DNM2: variants seen among roughly 807,000 people sequenced by gnomAD.
The protein encoded by DNM2 is dynamin 2.
In DNM2, 15 loss-of-function variants were observed where a neutral mutation model predicts 99.0. The ratio of observed to expected loss-of-function variants is 0.15; its 90% CI spans 0.10 to 0.23. The LOEUF is 0.23. DNM2 is among the 10% of genes least tolerant of loss of function. DNM2 has a pLI of 1.00. For synonymous variants in DNM2, 525 were observed against 481.2 expected, an observed-to-expected ratio of 1.09 and a Z score of -1.19; for missense variants, 742 against 1,189.4, an observed-to-expected ratio of 0.62 and a Z score of 5.53.
intron 16 of DNM2, among the ~76,000 whole-genome samples, chr19:10,822,539 G>T (rs144828877): frequency 1.3e-5 from 2 of 149,878 alleles, no homozygotes; most frequent in East Asian, 4.1e-4. Flanking sequence ...TCACTCTGTC[G>T]CCCAGGCTGG....
chr19:10,721,318 G>A (rs989541715), intron 1 of DNM2, among the ~76,000 whole-genome samples: 7 of 151,988 alleles, frequency 4.6e-5, no homozygotes, highest in Admixed American at 3.3e-4. Flanking sequence ...TACCACACCC[G>A]GCTAATTTTT....
At chr19:10,807,103 C>T (rs942785277) in intron 13 of DNM2, among the ~76,000 whole-genome samples, 25 of 152,262 alleles carry the variant, frequency 1.6e-4, no homozygotes, top group Admixed American at 7.2e-4. Context: ...CACAGAGTCT[C>T]GCATTGTCAC....
intron 6 of DNM2, chr19:10,786,302 G>A: frequency 1.8e-6 from 1 of 547,796 alleles, no homozygotes; most frequent in East Asian, 3.4e-5. Flanking sequence ...GTCCTCCAAG[G>A]CGTGGATAGG....
Position 10,764,210 on chromosome 19 carries a change from C to T in DNM2, c.235+4399C>T, listed in dbSNP as rs1399383814. On this transcript the variant is annotated intron_variant, in intron 2 of 20. Transcript: ENST00000389253. The surrounding 1 kb of genome is among the most constrained non-coding windows in gnomAD (Gnocchi z 4.1). ...ACTGGCCCGGGACTTGTTAAAGTGA[C>T]TTCCCTCTCTGTGCCTTGGTAGCTT... Among the ~76,000 whole-genome samples the T allele has an allele frequency of 2.0e-5, 3 of 152,174 alleles. No homozygotes were observed. Among genetic ancestry groups the T allele is most frequent in the Non-Finnish European group, 4.4e-5 (3 of 68,030 alleles).
intron 6 of DNM2, 128 bp from the exon 7 acceptor site, chr19:10,786,436 A>C: frequency 7.1e-7 from 1 of 1,417,352 alleles, no homozygotes; most frequent in Non-Finnish European, 9.8e-7. Context: ...GCTGTCTCTC[A>C]AGGCTGTGTG....
In DNM2 at chr19:10,812,250, G is replaced by A. The variant is rs971487717; in HGVS notation, c.1558-14G>A. Reference sequence around the variant, plus strand: ...GGAGCGAGGTTCCCTGCTAAGCTGCGCGCTTTCCCCCAGGTGATCCGCAGG... The same window carrying A: ...GGAGCGAGGTTCCCTGCTAAGCTGCACGCTTTCCCCCAGGTGATCCGCAGG... On this transcript the variant is annotated splice_polypyrimidine_tract_variant and intron_variant, in intron 14 of 20. Coordinates refer to ENST00000389253, the MANE Select transcript of DNM2 (RefSeq NM_001005361.3). This position sits in a 1 kb window ranked among gnomAD's most constrained non-coding sequence, Gnocchi z 4.0. The A allele has an allele frequency of 8.9e-6, 14 of 1,580,498 alleles. No individual in the cohort carries two copies. Among genetic ancestry groups the A allele is most frequent in the East Asian group, 2.3e-5 (1 of 43,328 alleles).
chr19:10,825,157 C>T lies in DNM2; in HGVS notation c.1994C>T (p.Ala665Val), dbSNP rs778804313. ...CGCAACCTGGTGGACTCATACGTGGCCATCATCAACAAGTCCATCCGCGAC... is the reference window on the plus strand; with the variant it reads ...CGCAACCTGGTGGACTCATACGTGGTCATCATCAACAAGTCCATCCGCGAC... ...TIRNLVDSYVAIINKSIRDLM... is the reference protein window; with the variant it reads ...TIRNLVDSYVVIINKSIRDLM... The change falls in exon 18 of 21, where the codon GCC becomes GTC. Residue 665 changes from alanine (A) to valine (V), a missense_variant. Ala to Val is a moderately conservative substitution (Grantham distance 64, BLOSUM62 0). Coordinates refer to ENST00000389253, the MANE Select transcript of DNM2 (RefSeq NM_001005361.3). The T allele has an allele frequency of 6.2e-7, 1 of 1,614,224 alleles. No individual in the cohort carries two copies. Among genetic ancestry groups the T allele is most frequent in the Admixed American group, 1.7e-5 (1 of 60,028 alleles).
intron 1 of DNM2, among the ~76,000 whole-genome samples, chr19:10,730,503 C>G (rs908707931): frequency 6.6e-6 from 1 of 151,900 alleles, no homozygotes; most frequent in African/African-American, 2.4e-5. Flanking sequence ...AGCTAAAAAC[C>G]AGAATGGAGT....
chr19:10,813,974 C>T (rs1804156258), intron 15 of DNM2, among the ~76,000 whole-genome samples: 1 of 151,994 alleles, frequency 6.6e-6, no homozygotes, highest in South Asian at 2.1e-4. Context: ...ACCAGCCTGG[C>T]CAAACGGTGA....
chr19:10,764,932 G>A lies in DNM2; in HGVS notation c.235+5121G>A, dbSNP rs1276576733. 3.3e-5 allele frequency among the ~76,000 whole-genome samples: 5 copies of A among 151,830 alleles called. No individual in the cohort carries two copies. The highest frequency in any genetic ancestry group is 7.4e-5 in the Non-Finnish European group (5 of 67,956). ...TTCGTTCCCCGGTCCCCGGCAGCACGAGTTATCCTGTTCTTGTTTTTTCTT... is the reference window on the plus strand; with the variant it reads ...TTCGTTCCCCGGTCCCCGGCAGCACAAGTTATCCTGTTCTTGTTTTTTCTT... On this transcript the variant is annotated intron_variant, in intron 2 of 20. Coordinates refer to ENST00000389253, the MANE Select transcript of DNM2 (RefSeq NM_001005361.3). This position sits in a 1 kb window ranked among gnomAD's most constrained non-coding sequence, Gnocchi z 4.1.
At chr19:10,776,703 G>C (rs1358592281) in intron 4 of DNM2, among the ~76,000 whole-genome samples, 1 of 152,204 alleles carries the variant, frequency 6.6e-6, no homozygotes, top group Non-Finnish European at 1.5e-5. Flanking sequence ...AGCCATTCAG[G>C]CAAGAGGTAG....
At chr19:10,825,694 A>AGAGAGAG (rs569071526) in intron 18 of DNM2, among the ~76,000 whole-genome samples, 2 of 143,900 alleles carry the variant, frequency 1.4e-5, no homozygotes, top group East Asian at 4.1e-4. Flanking sequence ...GAGAGAGAGA[A>AGAGAGAG]AAATACAAAA....
rs1264312110 is a variant in DNM2 at position 10,812,397 on chromosome 19, AG to A, written c.1671+23del. On this transcript the variant is annotated intron_variant, in intron 15 of 20. Coordinates refer to ENST00000389253, the MANE Select transcript of DNM2 (RefSeq NM_001005361.3). This position sits in a 1 kb window ranked among gnomAD's most constrained non-coding sequence, Gnocchi z 4.0. ...GAGGAGGTGAGTGGCAGGCGGGAGCAGGGCTGCTGGGGTAGGTGGGGCAGCC... is the reference window on the plus strand; with the variant it reads ...GAGGAGGTGAGTGGCAGGCGGGAGCAGGCTGCTGGGGTAGGTGGGGCAGCC... 1 of 1,585,314 alleles carries A rather than the reference AG, an allele frequency of 6.3e-7. No homozygotes were observed. Among genetic ancestry groups the A allele is most frequent in the Non-Finnish European group, 8.6e-7 (1 of 1,164,428 alleles).
intron 5 of DNM2, 42 bp downstream of exon 5, chr19:10,777,258 G>T (rs775885976): frequency 1.3e-6 from 2 of 1,591,676 alleles, no homozygotes; most frequent in South Asian, 2.2e-5. Context: ...GGATGGGTGG[G>T]GTCCTTATCA....
chr19:10,721,357 A>G (rs1489493606), intron 1 of DNM2, among the ~76,000 whole-genome samples: 3 of 152,026 alleles, frequency 2.0e-5, no homozygotes, highest in Non-Finnish European at 4.4e-5. Context: ...GGGTTTCACC[A>G]TGTTGGCCAG....
intron 1 of DNM2, among the ~76,000 whole-genome samples, chr19:10,727,789 T>C (rs2069162576): frequency 1.3e-5 from 2 of 152,140 alleles, no homozygotes; most frequent in Non-Finnish European, 2.9e-5. Context: ...TCTGCCAAAC[T>C]TCTGCCCGAT....
intron 1 of DNM2, among the ~76,000 whole-genome samples, chr19:10,747,216 G>A (rs1018704674): frequency 1.3e-5 from 2 of 152,008 alleles, no homozygotes; most frequent in Non-Finnish European, 2.9e-5. Context: ...TGGGTATCAT[G>A]GTAAGAGTTT....
At chr19:10,726,111 C>T (rs562537203) in intron 1 of DNM2, among the ~76,000 whole-genome samples, 5 of 150,828 alleles carry the variant, frequency 3.3e-5, no homozygotes, top group Admixed American at 6.6e-5. Flanking sequence ...CCCAGCTGCT[C>T]GGGAGGCTGA....
chr19:10,738,354 C>T (rs1218731695), intron 1 of DNM2, among the ~76,000 whole-genome samples: 2 of 152,188 alleles, frequency 1.3e-5, no homozygotes, highest in South Asian at 2.1e-4. Context: ...TGGTGGCTCA[C>T]GCCCATAGAC....
Sources: gnomAD v4.1 joint callset for allele counts (sites outside exome capture counted in the v4.1 genomes callset) on GRCh38, gnomAD v4.1.1 for gene constraint, Gnocchi (gnomAD v3.1) non-coding constraint, MANE v1.5 for transcripts, NCBI Gene and HGNC (gene_info 2026-07-23, HGNC 2026-07-21) for gene names.